Variants in GABRG3 observed in about 807,000 individuals in gnomAD.
The protein encoded by GABRG3 is gamma-aminobutyric acid receptor subunit gamma-3.
A neutral mutation model predicts 48.8 loss-of-function variants in GABRG3; 25 were observed. The observed-to-expected ratio is 0.51, with a 90% CI of 0.37 to 0.72. The LOEUF (loss-of-function observed/expected upper bound fraction) is 0.72, where lower values mean the gene tolerates loss of function less well. GABRG3 is among the 30% of genes least tolerant of loss of function. The pLI, the probability that GABRG3 is intolerant of heterozygous loss-of-function variation, is 0.00. For synonymous variants in GABRG3, 227 were observed against 217.6 expected (o/e 1.04, Z -0.38); for missense variants, 394 against 577.9 (o/e 0.68, Z 3.26).
intron 2 of GABRG3, among the ~76,000 whole-genome samples, chr15:26,985,913 A>G (rs1895143166): frequency 6.6e-6 from 1 of 152,220 alleles, no homozygotes; most frequent in South Asian, 2.1e-4. Context: ...TACAAATGCC[A>G]CAGTGTAGGT....
intron 3 of GABRG3, among the ~76,000 whole-genome samples, chr15:27,219,447 C>T (rs143013384): frequency 2.0e-5 from 3 of 152,204 alleles, no homozygotes; most frequent in Admixed American, 2.0e-4. Flanking sequence ...GAGACACATT[C>T]TGTGGGTCTG....
chr15:27,180,668 C>T lies in GABRG3; in HGVS notation c.271-146141C>T, dbSNP rs554871476. 7.9e-5 allele frequency among the ~76,000 whole-genome samples: 12 copies of T among 152,164 alleles called. No homozygotes were observed. The highest frequency in any genetic ancestry group is 2.1e-4 in the South Asian group (1 of 4,810). ...CTGTCTGTGTGTGTTTGTGTGTGCA[C>T]GCGCGCGCACCCCAGGTCAGTTCTA... On this transcript the variant is annotated intron_variant, in intron 3 of 9. Transcript: ENST00000615808. This position sits in a 1 kb window ranked among gnomAD's most constrained non-coding sequence, Gnocchi z 4.2.
intron 3 of GABRG3, among the ~76,000 whole-genome samples, chr15:27,098,305 G>A (rs374037436): frequency 6.6e-6 from 1 of 152,180 alleles, no homozygotes; most frequent in Non-Finnish European, 1.5e-5. Flanking sequence ...GTGGTGGCAG[G>A]CATCTATAGT....
At chr15:27,478,802 T>C (rs2150844034) in intron 5 of GABRG3, among the ~76,000 whole-genome samples, 1 of 152,336 alleles carries the variant, frequency 6.6e-6, no homozygotes, top group Non-Finnish European at 1.5e-5. Flanking sequence ...CAATAAAATA[T>C]TATTTGGCAA....
At chr15:27,008,847 A>T (rs1205508620) in intron 2 of GABRG3, among the ~76,000 whole-genome samples, 1 of 152,102 alleles carries the variant, frequency 6.6e-6, no homozygotes, top group Non-Finnish European at 1.5e-5. Flanking sequence ...TGAGGCGATG[A>T]TGGGTGTCAG....
intron 3 of GABRG3, among the ~76,000 whole-genome samples, chr15:27,055,313 G>T (rs957768998): frequency 6.6e-6 from 1 of 152,166 alleles, no homozygotes; most frequent in African/African-American, 2.4e-5. Flanking sequence ...AAAATAACCT[G>T]AACTTGTTAC....
chr15:27,460,660 C>T (rs532883518), intron 5 of GABRG3, among the ~76,000 whole-genome samples: 2 of 152,124 alleles, frequency 1.3e-5, no homozygotes, highest in Non-Finnish European at 2.9e-5. Flanking sequence ...TTCAGAGACT[C>T]TCTGATTTGT....
rs529716146 is a variant in GABRG3, at chr15:27,503,200, C to G, written c.713-16772C>G. On this transcript the variant is annotated intron_variant, in intron 6 of 9. Coordinates refer to ENST00000615808, the MANE Select transcript of GABRG3 (RefSeq NM_033223.5). ...AATTATTAGCACACAAAACAGGCAT[C>G]ACCTGGGAGATGCCAAGGATTTCTG... Among the ~76,000 whole-genome samples, 3 of 152,308 alleles carry G rather than the reference C, an allele frequency of 2.0e-5. No individual in the cohort carries two copies. In the South Asian group the frequency reaches 6.2e-4, roughly 32 times the overall value.
chr15:27,313,106 G>A (rs927192874), intron 3 of GABRG3, among the ~76,000 whole-genome samples: 13 of 147,278 alleles, frequency 8.8e-5, no homozygotes, highest in African/African-American at 3.2e-4. Flanking sequence ...AGGCAAAATA[G>A]ACTAATTCAA....
intron 3 of GABRG3, among the ~76,000 whole-genome samples, chr15:27,152,077 T>G (rs1310098466): frequency 1.3e-5 from 2 of 152,234 alleles, no homozygotes; most frequent in Non-Finnish European, 2.9e-5. Flanking sequence ...TTTTTATAGG[T>G]CTAAATTGCA....
At chr15:27,441,974 T>C (rs1405637528) in intron 5 of GABRG3, among the ~76,000 whole-genome samples, 2 of 152,124 alleles carry the variant, frequency 1.3e-5, no homozygotes, top group African/African-American at 4.8e-5. Flanking sequence ...CAGACCCCTT[T>C]ATAAAAAAGC....
chr15:26,990,303 G>C (rs1895223946), intron 2 of GABRG3, among the ~76,000 whole-genome samples: 1 of 151,998 alleles, frequency 6.6e-6, no homozygotes, highest in Non-Finnish European at 1.5e-5. Flanking sequence ...CTTGACTTTT[G>C]GATAAAAGCC....
intron 5 of GABRG3, among the ~76,000 whole-genome samples, chr15:27,335,185 G>T (rs1893924063): frequency 6.6e-6 from 1 of 152,078 alleles, no homozygotes; most frequent in African/African-American, 2.4e-5. Context: ...TGACTGTTGT[G>T]ACTGCTATAC....
Position 27,453,318 on chromosome 15 carries a change from G to A in GABRG3, c.575-27332G>A, listed in dbSNP as rs574517093. On this transcript the variant is annotated intron_variant, in intron 5 of 9. Coordinates refer to ENST00000615808, the MANE Select transcript of GABRG3 (RefSeq NM_033223.5). Reference sequence around the variant, plus strand: ...CATACTCACATACGAAGGTAACTATGGGAAGTGATGGATATGTTAATTAGC... The same window carrying A: ...CATACTCACATACGAAGGTAACTATAGGAAGTGATGGATATGTTAATTAGC... Among the ~76,000 whole-genome samples, 7 of 152,242 alleles carry A rather than the reference G, an allele frequency of 4.6e-5. No homozygotes were observed. In the South Asian group the frequency reaches 6.2e-4, roughly 14 times the overall value.
intron 3 of GABRG3, among the ~76,000 whole-genome samples, chr15:27,142,230 G>A (rs1454164274): frequency 6.6e-6 from 1 of 152,098 alleles, no homozygotes; most frequent in Admixed American, 6.6e-5. Context: ...CTGTTTAAGA[G>A]TAGAACAATG....
chr15:27,437,363 T>G (rs1888651105), intron 5 of GABRG3, among the ~76,000 whole-genome samples: 1 of 152,236 alleles, frequency 6.6e-6, no homozygotes, highest in Admixed American at 6.5e-5. Context: ...TTGGTATTTT[T>G]GGTACAAACA....
At chr15:27,086,001 A>G (rs974701614) in intron 3 of GABRG3, among the ~76,000 whole-genome samples, 3 of 152,172 alleles carry the variant, frequency 2.0e-5, no homozygotes, top group Non-Finnish European at 4.4e-5. Context: ...TGCATTATAT[A>G]TGGCAGAGCT....
intron 5 of GABRG3, among the ~76,000 whole-genome samples, chr15:27,379,518 TCTTC>T (rs1363425909): frequency 6.6e-6 from 1 of 152,222 alleles, no homozygotes. Flanking sequence ...CCTCTAGCGG[TCTTC>T]CTTCCTTCCT....
intron 6 of GABRG3, among the ~76,000 whole-genome samples, chr15:27,491,150 C>T (rs759161106): frequency 1.8e-4 from 27 of 152,344 alleles, no homozygotes; most frequent in Non-Finnish European, 2.8e-4. Context: ...GAGATGCTCA[C>T]GCTGGTCTGG....
Sources: gnomAD v4.1 joint callset for allele counts (sites outside exome capture counted in the v4.1 genomes callset) on GRCh38, gnomAD v4.1.1 for gene constraint, Gnocchi (gnomAD v3.1) non-coding constraint, MANE v1.5 for transcripts, NCBI Gene and HGNC (gene_info 2026-07-23, HGNC 2026-07-21) for gene names.